Variants in AIM2 observed in about 807,000 individuals in gnomAD.
AIM2 encodes the protein absent in melanoma 2.
Under a neutral mutation model 27.7 loss-of-function variants are expected in AIM2, and 30 were observed. The observed-to-expected ratio is 1.08, with a 90% confidence interval of 0.81 to 1.47. The LOEUF (loss-of-function observed/expected upper bound fraction) is 1.47, where lower values mean the gene tolerates loss of function less well. AIM2 is among the 40% of genes most tolerant of loss of function. The pLI is 0.00. For missense variants in AIM2, 358 were observed against 411.3 expected (o/e 0.87, Z 1.12); for synonymous variants, 141 against 145.3 (o/e 0.97, Z 0.21).
At chr1:159,097,989 C>A (rs990814893) in intron 1 of AIM2, among the ~76,000 whole-genome samples, 3 of 152,126 alleles carry the variant, frequency 2.0e-5, no homozygotes, top group Non-Finnish European at 4.4e-5. Flanking sequence ...TTTTAAAAAT[C>A]TCTATGGTAT....
At chr1:159,070,092 A>G (rs763823008) in intron 2 of AIM2, among the ~76,000 whole-genome samples, 51 of 152,188 alleles carry the variant, frequency 3.4e-4, no homozygotes, top group Non-Finnish European at 5.9e-4. Context: ...ACCAACACCA[A>G]CTCTAACTCC....
At chr1:159,091,701 AG>A (rs1482643556) in intron 1 of AIM2, among the ~76,000 whole-genome samples, 1 of 152,216 alleles carries the variant, frequency 6.6e-6, no homozygotes, top group Non-Finnish European at 1.5e-5. Flanking sequence ...AGAGTAACTT[AG>A]GGGGTGATGT....
At chr1:159,105,947 A>T (rs1307782378) in intron 1 of AIM2, among the ~76,000 whole-genome samples, 1 of 151,922 alleles carries the variant, frequency 6.6e-6, no homozygotes, top group Non-Finnish European at 1.5e-5. Flanking sequence ...CTGAGGACCC[A>T]CCCCTTTCTG....
At chr1:159,106,155 C>T (rs1199293170) in intron 1 of AIM2, among the ~76,000 whole-genome samples, 1 of 152,168 alleles carries the variant, frequency 6.6e-6, no homozygotes, top group Non-Finnish European at 1.5e-5. Context: ...GCTTCCAAAC[C>T]CCCAAGAGCA....
intron 1 of AIM2, among the ~76,000 whole-genome samples, chr1:159,126,387 C>T (rs1383401636): frequency 1.3e-5 from 2 of 152,024 alleles, no homozygotes; most frequent in East Asian, 1.9e-4. Context: ...GTGGTTCACG[C>T]CTGTAATCCC....
chr1:159,126,074 A>G (rs1647676254), intron 1 of AIM2, among the ~76,000 whole-genome samples: 1 of 152,228 alleles, frequency 6.6e-6, no homozygotes. Flanking sequence ...GTGCAAAGGA[A>G]TGTTCCTTCA....
intron 2 of AIM2, among the ~76,000 whole-genome samples, chr1:159,071,787 G>A (rs1200463088): frequency 6.6e-6 from 1 of 152,236 alleles, no homozygotes. Context: ...TGGGATTAAA[G>A]GCGTGAGCCA....
chr1:159,062,443 G>A (rs999913991), downstream of AIM2: 1 of 544,886 alleles, frequency 1.8e-6, no homozygotes, highest in Non-Finnish European at 3.3e-6. Flanking sequence ...TTTCGCTTGA[G>A]ACAAGGGATT....
chr1:159,129,037 G>T (rs1448530559), intron 1 of AIM2, among the ~76,000 whole-genome samples: 2 of 152,162 alleles, frequency 1.3e-5, no homozygotes, highest in African/African-American at 4.8e-5. Flanking sequence ...GACCTCATTT[G>T]TAAAAAGCAT....
chr1:159,126,510 A>G (rs551045344), intron 1 of AIM2, among the ~76,000 whole-genome samples: 13 of 152,116 alleles, frequency 8.5e-5, no homozygotes, highest in Middle Eastern at 3.4e-3. Context: ...TTAGCTGGGT[A>G]TGGTGGCGGG....
intron 4 of AIM2, 102 bp from the exon 5 acceptor site, chr1:159,063,776 G>A: frequency 8.2e-7 from 1 of 1,223,296 alleles, no homozygotes; most frequent in Non-Finnish European, 1.2e-6. Flanking sequence ...AAAGAAATCA[G>A]TTGATTCTTG....
chr1:159,123,075 T>C (rs1314882387), intron 1 of AIM2, among the ~76,000 whole-genome samples: 4 of 152,194 alleles, frequency 2.6e-5, no homozygotes, highest in Admixed American at 2.6e-4. Context: ...CTCAAGTCAC[T>C]GTACACAAGT....
intron 1 of AIM2, among the ~76,000 whole-genome samples, chr1:159,146,107 CAAAA>C (rs200424411): frequency 1.1e-5 from 1 of 88,838 alleles, no homozygotes; most frequent in African/African-American, 4.4e-5. Context: ...ACTGTCCCCT[CAAAA>C]AAAAAAAAAA....
intron 1 of AIM2, among the ~76,000 whole-genome samples, chr1:159,115,377 T>G (rs1232158477): frequency 6.6e-6 from 1 of 152,074 alleles, no homozygotes; most frequent in Admixed American, 6.6e-5. Flanking sequence ...CATCACCAAG[T>G]CAATCCTAAG....
chr1:159,073,975 G>A (rs936459439), intron 1 of AIM2, among the ~76,000 whole-genome samples: 4 of 152,142 alleles, frequency 2.6e-5, no homozygotes, highest in African/African-American at 9.7e-5. Flanking sequence ...GGAGGTGGAG[G>A]TTGCAGTGAG....
chr1:159,108,652 C>G (rs1189817773), intron 1 of AIM2, among the ~76,000 whole-genome samples: 1 of 152,164 alleles, frequency 6.6e-6, no homozygotes, highest in Non-Finnish European at 1.5e-5. Flanking sequence ...CCTAAAGACT[C>G]CTCCAGAAAG....
chr1:159,107,701 A>G (rs1394629716), intron 1 of AIM2, among the ~76,000 whole-genome samples: 2 of 152,232 alleles, frequency 1.3e-5, no homozygotes, highest in Admixed American at 1.3e-4. Flanking sequence ...AAATAAGCTA[A>G]TAAGAAACGA....
chr1:159,116,889 A>G (rs1372135729), intron 1 of AIM2, among the ~76,000 whole-genome samples: 3 of 152,096 alleles, frequency 2.0e-5, no homozygotes, highest in South Asian at 2.1e-4. Context: ...AAACTGTATT[A>G]AGGTCCCCTG....
chr1:159,068,296 AC>A (rs756443414), intron 3 of AIM2, among the ~76,000 whole-genome samples: 23 of 152,346 alleles, frequency 1.5e-4, no homozygotes, highest in Admixed American at 2.6e-4. Context: ...CCTGTAAACA[AC>A]GGTCTATCTC....
Sources: gnomAD v4.1 joint callset for allele counts (sites outside exome capture counted in the v4.1 genomes callset) on GRCh38, gnomAD v4.1.1 for gene constraint, MANE v1.5 for transcripts, NCBI Gene and HGNC (gene_info 2026-07-23, HGNC 2026-07-21) for gene names.